PCMTD1: variants seen among roughly 807,000 people sequenced by gnomAD.
PCMTD1 encodes the protein protein-L-isoaspartate (D-aspartate) O-methyltransferase domain containing 1, also known as protein-L-isoaspartate O-methyltransferase domain-containing protein 1.
A neutral mutation model predicts 37.6 loss-of-function variants in PCMTD1; 12 were observed. The ratio of observed to expected loss-of-function variants is 0.32; its 90% CI spans 0.20 to 0.52. The LOEUF is 0.52. PCMTD1 is among the 20% of genes least tolerant of loss of function. The pLI, the probability that PCMTD1 is intolerant of heterozygous loss-of-function variation, is 0.97. For missense variants in PCMTD1, 235 were observed against 421.3 expected (o/e 0.56, Z 3.87); for synonymous variants, 117 against 135.8 (o/e 0.86, Z 0.96).
At chr8:51,864,791 T>C (rs1354818459) in intron 1 of PCMTD1, among the ~76,000 whole-genome samples, 2 of 151,218 alleles carry the variant, frequency 1.3e-5, no homozygotes, top group Non-Finnish European at 3.0e-5. Flanking sequence ...TTCAAGAAAC[T>C]AGAGAAAAAA....
intron 5 of PCMTD1, among the ~76,000 whole-genome samples, chr8:51,828,005 GTTA>G (rs987254273): frequency 6.6e-6 from 1 of 152,068 alleles, no homozygotes; most frequent in African/African-American, 2.4e-5. Context: ...AATGAATTAT[GTTA>G]TTATAAAACC....
At chr8:51,870,967 T>C (rs1179163976) in intron 1 of PCMTD1, among the ~76,000 whole-genome samples, 1 of 152,182 alleles carries the variant, frequency 6.6e-6, no homozygotes, top group Non-Finnish European at 1.5e-5. Flanking sequence ...TCTTTATCTA[T>C]AAAATGAAAA....
chr8:51,817,880 G>GT lies in PCMTD1; in HGVS notation c.*2470dup, dbSNP rs2037781517. ...TCTTAGGCCCTGTCTCTAACTCACT[G>GT]TATGTTTCAGGCAAAACATGCCACG... On this transcript the variant is annotated 3_prime_UTR_variant, in exon 6 of 6. Transcript: ENST00000522514. 4.4e-6 allele frequency: 2 copies of GT among 456,696 alleles called. No homozygotes were observed. The highest frequency in any genetic ancestry group is 6.9e-5 in the East Asian group (1 of 14,418). 28.3% of individuals were successfully genotyped at this position (456,696 alleles called of 1,614,324 possible). A position where few individuals can be genotyped will look rare whatever the true frequency, so the allele number is the denominator to read the frequency against.
chr8:51,884,803 T>C (rs1488659464), intron 1 of PCMTD1, among the ~76,000 whole-genome samples: 3 of 152,202 alleles, frequency 2.0e-5, no homozygotes, highest in African/African-American at 7.2e-5. Flanking sequence ...GATAGATTTC[T>C]GGCAAATTCC....
chr8:51,844,374 C>CTTAA (rs1412341160), intron 3 of PCMTD1, among the ~76,000 whole-genome samples: 5 of 152,096 alleles, frequency 3.3e-5, no homozygotes, highest in African/African-American at 1.2e-4. Flanking sequence ...AAGTGGCTTG[C>CTTAA]TTAAATTCAT....
At chr8:51,827,061 G>C (rs571845574) in intron 5 of PCMTD1, 10 of 977,426 alleles carry the variant, frequency 1.0e-5, no homozygotes, top group Non-Finnish European at 1.2e-5. Flanking sequence ...TGCAATTAAG[G>C]AATAATGTCC....
rs1449523718 is a variant in PCMTD1 at position 51,819,046 on chromosome 8, T to C, written c.*1305A>G. The C allele has an allele frequency of 6.6e-6, 1 of 152,172 alleles. No homozygotes were observed. Among genetic ancestry groups the C allele is most frequent in the East Asian group, 1.9e-4 (1 of 5,198 alleles). The allele number at this position is 152,172 out of a possible 1,614,324, so 9.4% of individuals were successfully genotyped here. ...AAGGAATGGCTGTTTTCAGGCCTTATTAGGAAAACAAACAAACAATGGCAG... is the reference window on the plus strand; with the variant it reads ...AAGGAATGGCTGTTTTCAGGCCTTACTAGGAAAACAAACAAACAATGGCAG... On this transcript the variant is annotated 3_prime_UTR_variant, in exon 6 of 6. Transcript: ENST00000522514.
chr8:51,873,342 A>C (rs1281490144), intron 1 of PCMTD1, among the ~76,000 whole-genome samples: 1 of 152,206 alleles, frequency 6.6e-6, no homozygotes, highest in Non-Finnish European at 1.5e-5. Flanking sequence ...AAGAAACCAT[A>C]ACAAAAAAAG....
At chr8:51,867,479 GT>G (rs1351257065) in intron 1 of PCMTD1, among the ~76,000 whole-genome samples, 2 of 26,292 alleles carry the variant, frequency 7.6e-5, no homozygotes, top group African/African-American at 3.8e-4. Flanking sequence ...AGAAAATGGT[GT>G]GTGTGTGTGT....
intron 5 of PCMTD1, chr8:51,827,440 A>G (rs2037936933): frequency 2.2e-6 from 1 of 457,096 alleles, no homozygotes; most frequent in Non-Finnish European, 4.1e-6. Context: ...GTAGTGTAGT[A>G]TAATTGCATG....
intron 2 of PCMTD1, among the ~76,000 whole-genome samples, chr8:51,847,922 T>TG (rs201072546): frequency 1.6e-5 from 1 of 64,448 alleles, no homozygotes; most frequent in Non-Finnish European, 8.0e-5. Context: ...TACAATAAAC[T>TG]AAAAAAAAAG....
At chr8:51,861,466 T>C (rs2038468109) in intron 1 of PCMTD1, among the ~76,000 whole-genome samples, 1 of 152,162 alleles carries the variant, frequency 6.6e-6, no homozygotes, top group Non-Finnish European at 1.5e-5. Context: ...ATGGGAAAAC[T>C]GGAACACAAA....
chr8:51,890,815 T>G (rs1442642446), intron 1 of PCMTD1, among the ~76,000 whole-genome samples: 1 of 152,180 alleles, frequency 6.6e-6, no homozygotes, highest in African/African-American at 2.4e-5. Context: ...AAACACCACT[T>G]CCTAGCACAG....
intron 5 of PCMTD1, among the ~76,000 whole-genome samples, chr8:51,826,060 C>A (rs2037917141): frequency 6.6e-6 from 1 of 152,158 alleles, no homozygotes; most frequent in Non-Finnish European, 1.5e-5. Flanking sequence ...AAGACACATG[C>A]ACATGTATGT....
At chr8:51,891,108 G>A (rs978469960) in intron 1 of PCMTD1, among the ~76,000 whole-genome samples, 2 of 152,180 alleles carry the variant, frequency 1.3e-5, no homozygotes, top group African/African-American at 2.4e-5. Flanking sequence ...AAATAAATGA[G>A]CTTTTACTTA....
At chr8:51,830,422 C>T (rs1234691161) in intron 5 of PCMTD1, among the ~76,000 whole-genome samples, 2 of 152,152 alleles carry the variant, frequency 1.3e-5, no homozygotes, top group African/African-American at 4.8e-5. Flanking sequence ...CAAATTATGC[C>T]ACTTCCAGTC....
At chr8:51,831,978 A>G (rs1341680043) in intron 4 of PCMTD1, among the ~76,000 whole-genome samples, 1 of 152,226 alleles carries the variant, frequency 6.6e-6, no homozygotes, top group Non-Finnish European at 1.5e-5. Flanking sequence ...CTTCCATGAT[A>G]TTAATGGAAT....
chr8:51,843,225 T>C (rs116200593), intron 3 of PCMTD1, among the ~76,000 whole-genome samples: 3,770 of 152,058 alleles, frequency 0.025, 157 homozygotes, highest in African/African-American at 0.085. Context: ...AAATGTTTCA[T>C]TATGCAAAAT....
chr8:51,860,220 TGAATGA>T (rs2038451647), intron 2 of PCMTD1, among the ~76,000 whole-genome samples: 1 of 152,232 alleles, frequency 6.6e-6, no homozygotes, highest in Non-Finnish European at 1.5e-5. Flanking sequence ...TTAGGAACAC[TGAATGA>T]GTTAATACAC....
Sources: gnomAD v4.1 joint callset for allele counts (sites outside exome capture counted in the v4.1 genomes callset) on GRCh38, gnomAD v4.1.1 for gene constraint, MANE v1.5 for transcripts, NCBI Gene and HGNC (gene_info 2026-07-23, HGNC 2026-07-21) for gene names.